The following COL6A6 variants were observed in gnomAD, a reference collection of about 807,000 sequenced individuals.
The protein encoded by COL6A6 is collagen type VI alpha 6 chain.
A neutral mutation model predicts 208.6 loss-of-function variants in COL6A6; 183 were observed. The ratio of observed to expected loss-of-function variants is 0.88; its 90% CI spans 0.78 to 0.99. COL6A6 has a LOEUF of 0.99. Among genes scored for constraint, COL6A6 ranks in the 50% least tolerant of loss-of-function variants. The probability of loss-of-function intolerance (pLI) is 0.00; values close to 1 mark genes in which losing one functional copy is unlikely to be tolerated. For synonymous variants in COL6A6, 973 were observed against 1,011.8 expected, an observed-to-expected ratio of 0.96 and a Z score of 0.73; for missense variants, 2,816 against 2,815.2, an observed-to-expected ratio of 1.00 and a Z score of -0.01.
intron 13 of COL6A6, 97 bp from the exon 14 acceptor site, chr3:130,592,444 T>G: frequency 2.3e-6 from 2 of 881,190 alleles, no homozygotes; most frequent in South Asian, 1.6e-5. Flanking sequence ...ACCATGAGCA[T>G]TCACACTTTT....
chr3:130,536,149 C>T (rs111960532), intron 1 of COL6A6, among the ~76,000 whole-genome samples: 3 of 152,272 alleles, frequency 2.0e-5, no homozygotes, highest in Admixed American at 6.5e-5. Context: ...GTTAGTCTTA[C>T]GTAGTGATTT....
At chr3:130,644,760 C>T (rs974683340) in intron 31 of COL6A6, among the ~76,000 whole-genome samples, 8 of 152,176 alleles carry the variant, frequency 5.3e-5, no homozygotes, top group East Asian at 1.9e-4. Flanking sequence ...GGCTGCAGGC[C>T]GCTGATTTAT....
intron 1 of COL6A6, among the ~76,000 whole-genome samples, chr3:130,551,873 G>A (rs2062650703): frequency 1.3e-5 from 2 of 152,008 alleles, no homozygotes; most frequent in African/African-American, 4.8e-5. Flanking sequence ...GTTCTCATTA[G>A]TTTCAAAGAT....
intron 1 of COL6A6, among the ~76,000 whole-genome samples, chr3:130,539,222 CCGCCATGGCTCAGTGA>C (rs1352396240): frequency 6.6e-6 from 1 of 152,224 alleles, no homozygotes; most frequent in East Asian, 1.9e-4. Context: ...CCCCTGCTGG[CCGCCATGGCTCAGTGA>C]CAACTTCTCA....
At chr3:130,569,216 C>A (rs972112349) in intron 6 of COL6A6, among the ~76,000 whole-genome samples, 2 of 152,118 alleles carry the variant, frequency 1.3e-5, no homozygotes, top group Non-Finnish European at 2.9e-5. Context: ...TTCTAAAGAC[C>A]AATACTTGTA....
chr3:130,592,783 T>G, intron 15 of COL6A6, 61 bp downstream of exon 15: 1 of 1,426,344 alleles, frequency 7.0e-7, no homozygotes. Context: ...TTTTTATTTT[T>G]GAGATTATTT....
chr3:130,529,705 G>A (rs1480014336), intron 1 of COL6A6, among the ~76,000 whole-genome samples: 10 of 152,158 alleles, frequency 6.6e-5, no homozygotes, highest in African/African-American at 2.4e-4. Flanking sequence ...CAGAGAAGGG[G>A]CCCCTGCTGG....
chr3:130,663,915 A>G (rs1244496358), intron 35 of COL6A6, among the ~76,000 whole-genome samples: 2 of 152,254 alleles, frequency 1.3e-5, no homozygotes. Context: ...AAGACTTTGC[A>G]TAATCATGTT....
At chr3:130,526,334 G>A (rs1185402315) in intron 1 of COL6A6, among the ~76,000 whole-genome samples, 1 of 151,874 alleles carries the variant, frequency 6.6e-6, no homozygotes, top group Non-Finnish European at 1.5e-5. Context: ...AATGCAAGGA[G>A]GCCATAGTGG....
Position 130,608,778 on chromosome 3 carries a change from TTTTTTTTTTTTTG to T in COL6A6, c.4690-123_4690-111del. ...TATTTTTCACCTTTTTTTTTTTTTT[TTTTTTTTTTTTTG>T]CAAAGATCCTGCATTGACATTGTGA... On this transcript the variant is annotated intron_variant, in intron 21 of 36. Transcript: ENST00000358511. 1.4e-5 allele frequency: 4 copies of T among 291,036 alleles called. No homozygotes were observed. The South Asian group carries it at 6.9e-4, about 50-fold the overall frequency. 18.0% of individuals were successfully genotyped at this position (291,036 alleles called of 1,614,324 possible).
intron 10 of COL6A6, among the ~76,000 whole-genome samples, chr3:130,584,270 G>T (rs373221216): frequency 9.9e-5 from 15 of 152,144 alleles, no homozygotes; most frequent in South Asian, 8.3e-4. Context: ...CAATCCCCTG[G>T]TTCTTATGAC....
chr3:130,571,411 A>G lies in COL6A6; in HGVS notation c.2977+18A>G, dbSNP rs1243618133. 4 of 1,516,404 alleles carry G rather than the reference A, an allele frequency of 2.6e-6. No homozygotes were observed. Among genetic ancestry groups the G allele is most frequent in the African/African-American group, 2.8e-5 (2 of 71,816 alleles). 93.9% of individuals were successfully genotyped at this position (1,516,404 alleles called of 1,614,324 possible). A position where few individuals can be genotyped will look rare whatever the true frequency, so the allele number is the denominator to read the frequency against. ...AAAAGTAGGTAAGTTTTGCCAACTAAGTTTTTCCTAATTATTAGCAGAGGG... is the reference window on the plus strand; with the variant it reads ...AAAAGTAGGTAAGTTTTGCCAACTAGGTTTTTCCTAATTATTAGCAGAGGG... On this transcript the variant is annotated intron_variant, in intron 7 of 36. Coordinates refer to ENST00000358511, the MANE Select transcript of COL6A6 (RefSeq NM_001102608.3).
chr3:130,645,665 A>C (rs1161964419), intron 32 of COL6A6, among the ~76,000 whole-genome samples: 1 of 152,214 alleles, frequency 6.6e-6, no homozygotes, highest in African/African-American at 2.4e-5. Context: ...AAGATGCAGA[A>C]GGCAGAATAA....
intron 1 of COL6A6, among the ~76,000 whole-genome samples, chr3:130,536,446 A>G (rs1242928276): frequency 6.6e-6 from 1 of 152,264 alleles, no homozygotes; most frequent in Non-Finnish European, 1.5e-5. Flanking sequence ...AGGAAAGACC[A>G]TAAGCAAGGA....
chr3:130,581,984 T>C lies in COL6A6; in HGVS notation c.3892-6T>C, dbSNP rs2063435413. On this transcript the variant is annotated splice_polypyrimidine_tract_variant and splice_region_variant and intron_variant, in intron 9 of 36. Transcript: ENST00000358511. Reference sequence around the variant, plus strand: ...TTCATTTTACTTTTTTTGAATACTTTCTTAGGTGGTCCTTTTATTTTCAGA... The same window carrying C: ...TTCATTTTACTTTTTTTGAATACTTCCTTAGGTGGTCCTTTTATTTTCAGA... The C allele has an allele frequency of 6.2e-7, 1 of 1,606,448 alleles. No individual in the cohort carries two copies. Among genetic ancestry groups the C allele is most frequent in the East Asian group, 2.2e-5 (1 of 44,816 alleles).
intron 36 of COL6A6, among the ~76,000 whole-genome samples, chr3:130,668,346 C>T (rs548690395): frequency 1.3e-5 from 2 of 151,974 alleles, no homozygotes; most frequent in African/African-American, 2.4e-5. Flanking sequence ...GGCGTGGTGG[C>T]GGGCATCTGT....
intron 1 of COL6A6, among the ~76,000 whole-genome samples, chr3:130,536,438 G>C (rs1488859731): frequency 6.6e-6 from 1 of 152,182 alleles, no homozygotes; most frequent in African/African-American, 2.4e-5. Context: ...TTCTTATGAG[G>C]AAAGACCATA....
chr3:130,654,395 G>A (rs79984687), intron 33 of COL6A6, among the ~76,000 whole-genome samples: 2,935 of 152,164 alleles, frequency 0.019, 98 homozygotes, highest in African/African-American at 0.066. Flanking sequence ...CACTGGGTTT[G>A]GTTTCCAGTC....
Position 130,594,349 on chromosome 3 carries a change from T to TG in COL6A6, c.4533+7dup, listed in dbSNP as rs1371708608. On this transcript the variant is annotated splice_region_variant and intron_variant, in intron 18 of 36. Coordinates refer to ENST00000358511, the MANE Select transcript of COL6A6 (RefSeq NM_001102608.3). Reference sequence around the variant, plus strand: ...AGGGCCTGCGAGGGGATCCCGTAAGTGCACGGGCTGCAAACTGGAGTTAGG... The same window carrying TG: ...AGGGCCTGCGAGGGGATCCCGTAAGTGGCACGGGCTGCAAACTGGAGTTAGG... 1 of 1,609,738 alleles carries TG rather than the reference T, an allele frequency of 6.2e-7. No homozygotes were observed. Among genetic ancestry groups the TG allele is most frequent in the Non-Finnish European group, 8.5e-7 (1 of 1,177,944 alleles).
Sources: allele counts gnomAD v4.1 joint callset (sites outside exome capture counted in the v4.1 genomes callset), GRCh38; gene constraint gnomAD v4.1.1; transcripts MANE v1.5; gene names NCBI Gene and HGNC (gene_info 2026-07-23, HGNC 2026-07-21).